Variants in TUB observed in about 807,000 individuals in gnomAD.
The protein encoded by TUB is TUB bipartite transcription factor.
In TUB, 33 loss-of-function variants were observed where a neutral mutation model predicts 59.7. The observed-to-expected ratio is 0.55, with a 90% CI of 0.42 to 0.74. The LOEUF (loss-of-function observed/expected upper bound fraction) is 0.74, where lower values mean the gene tolerates loss of function less well. Ranked by LOEUF, TUB falls within the 30% of genes least tolerant of loss-of-function variation. TUB has a pLI of 0.00. For synonymous variants in TUB, 293 were observed against 256.4 expected (o/e 1.14, Z -1.36); for missense variants, 659 against 672.0 (o/e 0.98, Z 0.21).
intron 2 of TUB, among the ~76,000 whole-genome samples, chr11:8,073,325 TA>T (rs914188188): frequency 6.6e-6 from 1 of 152,220 alleles, no homozygotes; most frequent in Non-Finnish European, 1.5e-5. Flanking sequence ...TCAAAGAGTT[TA>T]AATTGCATTT....
chr11:8,090,331 C>G, intron 3 of TUB, 100 bp downstream of exon 3: 1 of 1,470,436 alleles, frequency 6.8e-7, no homozygotes, highest in Non-Finnish European at 9.1e-7. Flanking sequence ...CGGGGGATGC[C>G]CAGGCTGTGT....
At chr11:8,055,981 A>G (rs1236235196) in intron 2 of TUB, among the ~76,000 whole-genome samples, 1 of 152,180 alleles carries the variant, frequency 6.6e-6, no homozygotes, top group Non-Finnish European at 1.5e-5. Context: ...TCCCGCTCTC[A>G]CAGGGCATGG....
chr11:8,057,398 A>G lies in TUB; in HGVS notation c.203+17706A>G, dbSNP rs533923699. 4.2e-3 allele frequency among the ~76,000 whole-genome samples: 638 copies of G among 152,288 alleles called. 2 individuals are homozygous for G. Among genetic ancestry groups the G allele is most frequent in the African/African-American group, 0.014 (591 of 41,566 alleles). ...AGTTTTTATTTCTGTAACCGGTCACAGGGAGAAGGCCTGGAAATTATTGCC... is the reference window on the plus strand; with the variant it reads ...AGTTTTTATTTCTGTAACCGGTCACGGGGAGAAGGCCTGGAAATTATTGCC... On this transcript the variant is annotated intron_variant, in intron 2 of 12. Coordinates refer to the TUB transcript ENST00000305253.
chr11:8,097,545 C>G, intron 7 of TUB, 120 bp downstream of exon 7: 1 of 1,417,106 alleles, frequency 7.1e-7, no homozygotes, highest in South Asian at 1.2e-5. Flanking sequence ...AAAGAAACTG[C>G]CTTCGTGTCT....
intron 2 of TUB, among the ~76,000 whole-genome samples, chr11:8,048,534 T>C (rs1419897559): frequency 1.3e-5 from 2 of 152,122 alleles, no homozygotes; most frequent in African/African-American, 4.8e-5. Context: ...ACTGAGGACC[T>C]GGAACTGTAG....
chr11:8,101,781 G>C lies in TUB; in HGVS notation c.*162G>C. On this transcript the variant is annotated 3_prime_UTR_variant, in exon 12 of 12. Coordinates refer to ENST00000299506, the MANE Select transcript of TUB (RefSeq NM_177972.3). Reference sequence around the variant, plus strand: ...CAGCCAGCCAGGAACTGGCTCCTTTGCCTCTGCTACTGAGGCAGGGGAGTA... The same window carrying C: ...CAGCCAGCCAGGAACTGGCTCCTTTCCCTCTGCTACTGAGGCAGGGGAGTA... 1 of 1,310,468 alleles carries C rather than the reference G, an allele frequency of 7.6e-7. No homozygotes were observed. Among genetic ancestry groups the C allele is most frequent in the Non-Finnish European group, 1.0e-6 (1 of 986,554 alleles). The allele number at this position is 1,310,468 out of a possible 1,614,324, so 81.2% of individuals were successfully genotyped here.
rs534307650 is a variant in TUB at position 8,054,949 on chromosome 11, A to G, written c.203+15257A>G. 3.3e-5 allele frequency among the ~76,000 whole-genome samples: 5 copies of G among 152,302 alleles called. No homozygotes were observed. The South Asian group carries it at 1.0e-3, about 32-fold the overall frequency. On this transcript the variant is annotated intron_variant, in intron 2 of 12. Coordinates refer to the TUB transcript ENST00000305253. Reference sequence around the variant, plus strand: ...GGTGAAGAGGAGGTGGGCTTGGGCAAGATGGGGTGTGGAGGCTGGCCCGTC... The same window carrying G: ...GGTGAAGAGGAGGTGGGCTTGGGCAGGATGGGGTGTGGAGGCTGGCCCGTC...
chr11:8,080,247 G>A (rs1198715222), upstream of TUB, among the ~76,000 whole-genome samples: 2 of 152,244 alleles, frequency 1.3e-5, no homozygotes, highest in African/African-American at 4.8e-5. Flanking sequence ...CCCACGGGGC[G>A]TGTGGGGACC....
chr11:8,057,862 C>T (rs1455319612), intron 2 of TUB, among the ~76,000 whole-genome samples: 1 of 152,170 alleles, frequency 6.6e-6, no homozygotes, highest in African/African-American at 2.4e-5. Flanking sequence ...TATAAGGGCA[C>T]TGGTTCTGTC....
At chr11:8,091,944 G>A (rs557945679) in intron 3 of TUB, among the ~76,000 whole-genome samples, 111 of 152,340 alleles carry the variant, frequency 7.3e-4, no homozygotes, top group African/African-American at 2.6e-3. Context: ...CTGGCACCTG[G>A]GCGAGTGAGG....
upstream of TUB, among the ~76,000 whole-genome samples, chr11:8,080,009 T>C (rs1038438014): frequency 6.6e-6 from 1 of 152,190 alleles, no homozygotes. Context: ...TATTGTGTTT[T>C]ATAATTAATG....
upstream of TUB, among the ~76,000 whole-genome samples, chr11:8,080,382 C>T (rs1943525694): frequency 2.0e-5 from 3 of 151,798 alleles, no homozygotes; most frequent in Admixed American, 1.3e-4. Flanking sequence ...GTGTGCCATG[C>T]CTTGCATTCA....
intron 2 of TUB, among the ~76,000 whole-genome samples, chr11:8,069,682 GTTT>G (rs1231028932): frequency 6.6e-6 from 1 of 151,852 alleles, no homozygotes; most frequent in Non-Finnish European, 1.5e-5. Context: ...TGTTTTGTTT[GTTT>G]TTGTTTTTTG....
intron 2 of TUB, among the ~76,000 whole-genome samples, chr11:8,064,405 AG>A (rs1943196541): frequency 6.6e-6 from 1 of 152,164 alleles, no homozygotes; most frequent in Non-Finnish European, 1.5e-5. Flanking sequence ...TGGGGCTTGT[AG>A]TACACTTGCC....
intron 7 of TUB, 129 bp from the exon 8 acceptor site, chr11:8,097,585 G>A (rs1944054885): frequency 1.5e-6 from 2 of 1,315,888 alleles, no homozygotes; most frequent in Admixed American, 3.6e-5. Flanking sequence ...GTTTTCCAGT[G>A]CATTTGTGTG....
At chr11:8,076,823 T>G (rs879819914), upstream of TUB, 10 of 152,356 alleles carry the variant, frequency 6.6e-5, no homozygotes, top group Admixed American at 6.5e-4. Context: ...TTTGTGTGTG[T>G]GGAAATGATT....
chr11:8,090,984 A>G (rs1176598774), intron 3 of TUB, among the ~76,000 whole-genome samples: 1 of 152,130 alleles, frequency 6.6e-6, no homozygotes, highest in Non-Finnish European at 1.5e-5. Context: ...CTAGTAATCC[A>G]GGCTGCTACT....
At position 8,083,915 on chromosome 11, in the gene TUB, TGA is replaced by T. The variant is rs1294620040; in HGVS notation, c.38+2371_38+2372del. On this transcript the variant is annotated intron_variant, in intron 1 of 11. Transcript: ENST00000299506. ...GACTTCCAAAATGGGAGACTTGGGC[TGA>T]GAGGAGGAGATTCAAATTGCCTCTT... 1.4e-4 allele frequency among the ~76,000 whole-genome samples: 21 copies of T among 152,322 alleles called. No homozygotes were observed. In the East Asian group the frequency reaches 3.9e-3, roughly 28 times the overall value.
In TUB at chr11:8,101,948, G is replaced by T. The variant is rs753704492; in HGVS notation, c.*329G>T. ...AGCAACCTCTTCAGCTGGGAAGGCC[G>T]CAAGAGGCATAGAGGGAGAGGAAGC... On this transcript the variant is annotated 3_prime_UTR_variant, in exon 12 of 12. Transcript: ENST00000299506. 3.5e-5 allele frequency: 12 copies of T among 345,422 alleles called. No homozygotes were observed. The highest frequency in any genetic ancestry group is 2.3e-4 in the African/African-American group (11 of 48,416). The allele number at this position is 345,422 out of a possible 1,614,324, so 21.4% of individuals were successfully genotyped here.
Sources: gnomAD v4.1 joint callset for allele counts (sites outside exome capture counted in the v4.1 genomes callset) on GRCh38, gnomAD v4.1.1 for gene constraint, MANE v1.5 for transcripts, NCBI Gene and HGNC (gene_info 2026-07-23, HGNC 2026-07-21) for gene names.